PLCL2: variants seen among roughly 807,000 people sequenced by gnomAD.
The protein encoded by PLCL2 is phospholipase C like 2, also known as inactive phospholipase C-like protein 2.
PLCL2 carries 4 observed loss-of-function variants against 79.6 expected under a neutral mutation model. The ratio of observed to expected loss-of-function variants is 0.05; its 90% confidence interval spans 0.02 to 0.11. PLCL2 has a LOEUF of 0.11. PLCL2 is among the 10% of genes least tolerant of loss of function. PLCL2 has a pLI of 1.00. For synonymous variants in PLCL2, 484 were observed against 457.7 expected, an observed-to-expected ratio of 1.06 and a Z score of -0.73; for missense variants, 895 against 1,291.0, an observed-to-expected ratio of 0.69 and a Z score of 4.70.
intron 4 of PLCL2, among the ~76,000 whole-genome samples, chr3:17,065,866 C>T (rs1239148384): frequency 6.6e-6 from 1 of 151,738 alleles, no homozygotes; most frequent in East Asian, 1.9e-4. Flanking sequence ...GTGTCTCTTC[C>T]CTTTCCTACA....
intron 1 of PLCL2, among the ~76,000 whole-genome samples, chr3:16,991,495 C>T (rs985114127): frequency 1.3e-5 from 2 of 152,142 alleles, no homozygotes; most frequent in Admixed American, 1.3e-4. Context: ...TTATTCTCTT[C>T]ATTCTTTTTG....
intron 1 of PLCL2, among the ~76,000 whole-genome samples, chr3:16,948,270 G>A (rs1021398475): frequency 2.0e-5 from 3 of 151,110 alleles, no homozygotes; most frequent in African/African-American, 4.9e-5. Flanking sequence ...ACAAAAGGCC[G>A]TATATTTATA....
At chr3:16,966,081 T>C (rs1575558430) in intron 1 of PLCL2, among the ~76,000 whole-genome samples, 1 of 152,098 alleles carries the variant, frequency 6.6e-6, no homozygotes, top group African/African-American at 2.4e-5. Flanking sequence ...AGAGAGGGCA[T>C]CCCTGTCTTG....
intron 1 of PLCL2, among the ~76,000 whole-genome samples, chr3:16,957,707 G>C (rs774249690): frequency 6.6e-6 from 1 of 152,150 alleles, no homozygotes; most frequent in East Asian, 1.9e-4. Flanking sequence ...ATGAATCTGG[G>C]TGCTCCTGTA....
At chr3:16,955,636 CATATTGG>C (rs1346389828) in intron 1 of PLCL2, among the ~76,000 whole-genome samples, 3 of 152,032 alleles carry the variant, frequency 2.0e-5, no homozygotes, top group Non-Finnish European at 4.4e-5. Flanking sequence ...CCATTTTCAC[CATATTGG>C]TTCTTCCTAC....
chr3:16,930,516 GAA>G (rs1357948921), intron 1 of PLCL2, among the ~76,000 whole-genome samples: 1 of 152,202 alleles, frequency 6.6e-6, no homozygotes, highest in Non-Finnish European at 1.5e-5. Flanking sequence ...TGCTATAAAT[GAA>G]AGAGTTGTAG....
At chr3:17,063,652 C>A (rs944249567) in intron 4 of PLCL2, among the ~76,000 whole-genome samples, 10 of 152,084 alleles carry the variant, frequency 6.6e-5, no homozygotes, top group Non-Finnish European at 1.5e-4. Flanking sequence ...CCTGTCCCCA[C>A]CATTCTCTGA....
At chr3:16,925,657 C>T (rs1467521029) in intron 1 of PLCL2, among the ~76,000 whole-genome samples, 4 of 152,200 alleles carry the variant, frequency 2.6e-5, no homozygotes, top group African/African-American at 9.7e-5. Flanking sequence ...GCTTCTTTCA[C>T]TTAGCATAAT....
rs747164587 is a variant in PLCL2, at chr3:16,887,934, A to G, written c.327+2568A>G. Among the ~76,000 whole-genome samples the G allele has an allele frequency of 1.6e-4, 24 of 152,098 alleles. No individual in the cohort carries two copies. The highest frequency in any genetic ancestry group is 2.6e-4 in the Non-Finnish European group (18 of 68,014). ...GGTCTCTGAGTAGAGGCAGGAGTAGATTAGTAAGCAAGGTGATAATTGGGG... is the reference window on the plus strand; with the variant it reads ...GGTCTCTGAGTAGAGGCAGGAGTAGGTTAGTAAGCAAGGTGATAATTGGGG... On this transcript the variant is annotated intron_variant, in intron 1 of 5. Coordinates refer to ENST00000615277, the MANE Select transcript of PLCL2 (RefSeq NM_001144382.2). This position sits in a 1 kb window ranked among gnomAD's most constrained non-coding sequence, Gnocchi z 4.1.
At chr3:16,920,181 A>G (rs1697090921) in intron 1 of PLCL2, among the ~76,000 whole-genome samples, 1 of 152,188 alleles carries the variant, frequency 6.6e-6, no homozygotes, top group Admixed American at 6.6e-5. Context: ...ACACTGTTGC[A>G]TGTAAATGGA....
At position 16,887,478 on chromosome 3, in the gene PLCL2, G is replaced by T. The variant is rs1256809114; in HGVS notation, c.327+2112G>T. On this transcript the variant is annotated intron_variant, in intron 1 of 5. Coordinates refer to ENST00000615277, the MANE Select transcript of PLCL2 (RefSeq NM_001144382.2). The surrounding 1 kb of genome is among the most constrained non-coding windows in gnomAD (Gnocchi z 4.1). Reference sequence around the variant, plus strand: ...AAGGCTTGACATACTCCTTTTTCTTGCCTCTGTTTTCACTTTGCATTTTCT... The same window carrying T: ...AAGGCTTGACATACTCCTTTTTCTTTCCTCTGTTTTCACTTTGCATTTTCT... 6.6e-6 allele frequency among the ~76,000 whole-genome samples: 1 copy of T among 152,046 alleles called. No homozygotes were observed. The highest frequency in any genetic ancestry group is 1.5e-5 in the Non-Finnish European group (1 of 67,994).
intron 4 of PLCL2, among the ~76,000 whole-genome samples, chr3:17,051,788 C>A (rs1302192028): frequency 6.6e-6 from 1 of 152,298 alleles, no homozygotes; most frequent in African/African-American, 2.4e-5. Flanking sequence ...ATATTAGTTT[C>A]ATGATGCTTT....
intron 1 of PLCL2, among the ~76,000 whole-genome samples, chr3:16,950,404 A>T (rs2063639840): frequency 6.6e-6 from 1 of 152,110 alleles, no homozygotes; most frequent in African/African-American, 2.4e-5. Flanking sequence ...AAATTGGTGT[A>T]TTTAAGAGCT....
intron 1 of PLCL2, among the ~76,000 whole-genome samples, chr3:16,987,692 G>A (rs1305413522): frequency 6.6e-6 from 1 of 152,074 alleles, no homozygotes; most frequent in Non-Finnish European, 1.5e-5. Context: ...TTGGAGAAAA[G>A]TAAACTGATC....
intron 1 of PLCL2, among the ~76,000 whole-genome samples, chr3:16,920,783 G>C (rs1263489458): frequency 1.3e-5 from 2 of 152,188 alleles, no homozygotes; most frequent in Non-Finnish European, 2.9e-5. Flanking sequence ...GATAACCACT[G>C]TATTACAACC....
chr3:16,954,178 C>A (rs1485021461), intron 1 of PLCL2, among the ~76,000 whole-genome samples: 2 of 152,056 alleles, frequency 1.3e-5, no homozygotes, highest in Non-Finnish European at 2.9e-5. Flanking sequence ...CCTCCCCGCT[C>A]CCCCCAGCCC....
chr3:17,011,619 T>C lies in PLCL2; in HGVS notation c.2273T>C (p.Ile758Thr). The C allele has an allele frequency of 6.2e-7, 1 of 1,614,094 alleles. No individual in the cohort carries two copies. The highest frequency in any genetic ancestry group is 2.2e-5 in the East Asian group (1 of 44,858). Residue 758 changes from isoleucine (I) to threonine (T), a missense_variant, in exon 2 of 6, where the codon ATT (isoleucine) becomes ACT (threonine). Ile to Thr is a moderately conservative substitution (Grantham distance 89). This residue lies in a region of PLCL2 where 298 missense variants were observed against 459.6 expected (regional missense o/e 0.65). Transcript: ENST00000615277. The surrounding 1 kb of genome is among the most constrained non-coding windows in gnomAD (Gnocchi z 7.9). ...VPGVSPQLLH[I>T]KIISGQNFPK... ...GGGGTCTCACCTCAACTTCTTCACA[T>C]TAAAATCATCAGTGGGCAGAACTTT...
At chr3:16,917,149 A>G (rs771486135) in intron 1 of PLCL2, among the ~76,000 whole-genome samples, 13 of 152,142 alleles carry the variant, frequency 8.5e-5, no homozygotes, top group Non-Finnish European at 1.8e-4. Context: ...TTTGTTAAGG[A>G]CACACATCCT....
Position 17,009,670 on chromosome 3 carries a change from TCAGGA to T in PLCL2, c.328-3_329del, listed in dbSNP as rs1575584546. 1 of 1,541,918 alleles carries T rather than the reference TCAGGA, an allele frequency of 6.5e-7. No individual in the cohort carries two copies. Among genetic ancestry groups the T allele is most frequent in the Non-Finnish European group, 8.9e-7 (1 of 1,122,884 alleles). On this transcript the variant is annotated splice_acceptor_variant and splice_polypyrimidine_tract_variant and coding_sequence_variant and intron_variant, in exon 2 of 6. Coordinates refer to ENST00000615277, the MANE Select transcript of PLCL2 (RefSeq NM_001144382.2). LOFTEE classifies it high-confidence loss of function. The surrounding 1 kb of genome is among the most constrained non-coding windows in gnomAD (Gnocchi z 4.0). Reference sequence around the variant, plus strand: ...TCTAATATACGGTCTTTTTTTCCTCTCAGGATGGTACAAAACAGAAGAGGGAACGG... The same window carrying T: ...TCTAATATACGGTCTTTTTTTCCTCTTGGTACAAAACAGAAGAGGGAACGG...
Sources: allele counts gnomAD v4.1 joint callset (sites outside exome capture counted in the v4.1 genomes callset), GRCh38; gene constraint gnomAD v4.1.1; regional missense constraint gnomAD v4.1.1; non-coding constraint Gnocchi (gnomAD v3.1); transcripts MANE v1.5; gene names NCBI Gene and HGNC (gene_info 2026-07-23, HGNC 2026-07-21).